PDE1A: variants seen among roughly 807,000 people sequenced by gnomAD.
PDE1A encodes the protein phosphodiesterase 1A.
A neutral mutation model predicts 61.7 loss-of-function variants in PDE1A; 35 were observed. That is an observed-to-expected ratio of 0.57 (90% CI 0.43 to 0.75). The LOEUF is 0.75. Ranked by LOEUF, PDE1A falls within the 30% of genes least tolerant of loss-of-function variation. The pLI, the probability that PDE1A is intolerant of heterozygous loss-of-function variation, is 0.00. For missense variants in PDE1A, 597 were observed against 630.6 expected, an observed-to-expected ratio of 0.95 and a Z score of 0.57; for synonymous variants, 232 against 213.2, an observed-to-expected ratio of 1.09 and a Z score of -0.77.
the PDE1A span, among the ~76,000 whole-genome samples, chr2:182,599,093 C>A: frequency 6.6e-6 from 1 of 152,200 alleles, no homozygotes; most frequent in African/African-American, 2.4e-5. Flanking sequence ...GGTGTCGCTG[C>A]AACTACCCAA....
At chr2:182,659,094 G>A in the PDE1A span, among the ~76,000 whole-genome samples, 1 of 151,744 alleles carries the variant, frequency 6.6e-6, no homozygotes, top group African/African-American at 2.4e-5. Flanking sequence ...ACCTGATATC[G>A]ACCCACTTAT....
In PDE1A at chr2:182,502,594, C is replaced by T. The variant is rs148854972; in HGVS notation, c.101+19682G>A. 3.6e-3 allele frequency among the ~76,000 whole-genome samples: 553 copies of T among 152,296 alleles called. 1 individual carries two copies. Among genetic ancestry groups the T allele is most frequent in the African/African-American group, 0.013 (524 of 41,562 alleles). On this transcript the variant is annotated intron_variant, in intron 2 of 14. Coordinates refer to the PDE1A transcript ENST00000410103. ...GTATTTGTTAAGGCCACTTGAGCAT[C>T]TAATGGGCATCCCAAAAGCATGGAT...
At chr2:182,151,845 C>T (rs970423837) in intron 13 of PDE1A, among the ~76,000 whole-genome samples, 1 of 151,976 alleles carries the variant, frequency 6.6e-6, no homozygotes, top group Non-Finnish European at 1.5e-5. Context: ...TTATCTAGCC[C>T]AACAATCCCT....
the PDE1A span, among the ~76,000 whole-genome samples, chr2:182,574,113 T>C: frequency 6.6e-6 from 1 of 151,854 alleles, no homozygotes; most frequent in African/African-American, 2.4e-5. Context: ...TGGAGTCTGA[T>C]GTGTGAGGGC....
At chr2:182,627,953 A>G in the PDE1A span, among the ~76,000 whole-genome samples, 1 of 151,614 alleles carries the variant, frequency 6.6e-6, no homozygotes, top group Non-Finnish European at 1.5e-5. Flanking sequence ...CAAAAAAAAA[A>G]AAGAAAGAAA....
intron 2 of PDE1A, among the ~76,000 whole-genome samples, chr2:182,480,695 T>A (rs1273793680): frequency 6.6e-6 from 1 of 151,950 alleles, no homozygotes; most frequent in Non-Finnish European, 1.5e-5. Flanking sequence ...ACTATGACAC[T>A]TTATATAACG....
the PDE1A span, among the ~76,000 whole-genome samples, chr2:182,672,315 T>C: frequency 6.6e-6 from 1 of 152,320 alleles, no homozygotes; most frequent in African/African-American, 2.4e-5. Context: ...TGTATGCACC[T>C]TAAAATAGTG....
intron 2 of PDE1A, among the ~76,000 whole-genome samples, chr2:182,453,763 T>C (rs1358666720): frequency 6.6e-6 from 1 of 152,186 alleles, no homozygotes; most frequent in African/African-American, 2.4e-5. Context: ...TGATGGGATG[T>C]ATCTCAAAAT....
the PDE1A span, among the ~76,000 whole-genome samples, chr2:182,697,138 T>A: frequency 6.6e-6 from 1 of 152,094 alleles, no homozygotes; most frequent in Non-Finnish European, 1.5e-5. Flanking sequence ...CATTACCATC[T>A]TTTAAGTGAT....
At chr2:182,595,136 T>C in the PDE1A span, among the ~76,000 whole-genome samples, 1 of 152,152 alleles carries the variant, frequency 6.6e-6, no homozygotes, top group African/African-American at 2.4e-5. Flanking sequence ...GAAGAGAGTA[T>C]CCTATTTCAC....
chr2:182,484,876 C>G (rs1006624768), intron 2 of PDE1A, among the ~76,000 whole-genome samples: 1 of 151,696 alleles, frequency 6.6e-6, no homozygotes, highest in Non-Finnish European at 1.5e-5. Flanking sequence ...CAGATGCTGG[C>G]GAGGTTGTGG....
At chr2:182,312,476 CAT>C (rs1696048757) in intron 1 of PDE1A, among the ~76,000 whole-genome samples, 1 of 152,146 alleles carries the variant, frequency 6.6e-6, no homozygotes, top group Admixed American at 6.5e-5. Context: ...TAATATTTTA[CAT>C]ATGATGTGAG....
chr2:182,592,837 C>A, the PDE1A span, among the ~76,000 whole-genome samples: 4 of 152,142 alleles, frequency 2.6e-5, no homozygotes, highest in African/African-American at 9.7e-5. Flanking sequence ...AAACAGACAT[C>A]TCTTTCACAC....
intron 7 of PDE1A, among the ~76,000 whole-genome samples, chr2:182,213,539 A>G (rs1168793903): frequency 1.0e-5 from 1 of 99,036 alleles, no homozygotes; most frequent in Non-Finnish European, 2.1e-5. Context: ...AGAAGAATGT[A>G]TAACTAGAAT....
the PDE1A span, among the ~76,000 whole-genome samples, chr2:182,540,162 G>A: frequency 3.3e-3 from 504 of 152,028 alleles, 1 homozygote; most frequent in African/African-American, 0.012. Flanking sequence ...TCAGGAGTTC[G>A]AACCCAGCCT....
the PDE1A span, among the ~76,000 whole-genome samples, chr2:182,656,664 G>A: frequency 3.3e-5 from 5 of 152,194 alleles, no homozygotes; most frequent in Non-Finnish European, 7.3e-5. Context: ...CCTATTTGCA[G>A]AAATTCAAAT....
chr2:182,428,438 AGAT>A (rs1427537057), upstream of PDE1A, among the ~76,000 whole-genome samples: 13 of 152,126 alleles, frequency 8.5e-5, no homozygotes, highest in Non-Finnish European at 1.9e-4. Flanking sequence ...ATAAATAAAA[AGAT>A]GATTTTATAT....
At chr2:182,484,885 G>GGAGAAAAGA (rs1183052366) in intron 2 of PDE1A, among the ~76,000 whole-genome samples, 1 of 151,984 alleles carries the variant, frequency 6.6e-6, no homozygotes, top group Non-Finnish European at 1.5e-5. Flanking sequence ...GCGAGGTTGT[G>GGAGAAAAGA]GAGAAAAGAG....
chr2:182,545,538 G>A, the PDE1A span, among the ~76,000 whole-genome samples: 1 of 151,840 alleles, frequency 6.6e-6, no homozygotes, highest in South Asian at 2.1e-4. Context: ...TAGTGGAAAA[G>A]ACATGAGATG....
Sources: allele counts gnomAD v4.1 joint callset (sites outside exome capture counted in the v4.1 genomes callset), GRCh38; gene constraint gnomAD v4.1.1; transcripts MANE v1.5; gene names NCBI Gene and HGNC (gene_info 2026-07-23, HGNC 2026-07-21).